The following HOMER2 variants were observed in gnomAD, a reference collection of about 807,000 sequenced individuals.
HOMER2 encodes the protein homer protein homolog 2.
A neutral mutation model predicts 47.0 loss-of-function variants in HOMER2; 27 were observed. That is an observed-to-expected ratio of 0.57 (90% CI 0.42 to 0.79). HOMER2 has a LOEUF of 0.79. Among genes scored for constraint, HOMER2 ranks in the 30% least tolerant of loss-of-function variants. The pLI, the probability that HOMER2 is intolerant of heterozygous loss-of-function variation, is 0.00. For synonymous variants in HOMER2, 161 were observed against 163.8 expected (o/e 0.98, Z 0.13); for missense variants, 443 against 435.0 (o/e 1.02, Z -0.16).
intron 1 of HOMER2, among the ~76,000 whole-genome samples, chr15:82,907,449 G>A (rs968744277): frequency 1.4e-5 from 2 of 143,204 alleles, no homozygotes; most frequent in African/African-American, 5.5e-5. Context: ...GAAAGAAAGA[G>A]AAAGAAAGAA....
chr15:82,840,348 C>T (rs2051164005), exon 2 of HOMER2: 1 of 151,934 alleles, frequency 6.6e-6, no homozygotes, highest in South Asian at 2.1e-4. Context: ...TCTGGAAAAA[C>T]CAATGAGAAC....
At chr15:82,936,839 C>T (rs2054153115) in intron 1 of HOMER2, among the ~76,000 whole-genome samples, 2 of 152,058 alleles carry the variant, frequency 1.3e-5, no homozygotes, top group Admixed American at 1.3e-4. Flanking sequence ...AGGTGTGAGC[C>T]ACCATGCCTG....
At chr15:82,894,184 C>A (rs937879978) in intron 1 of HOMER2, among the ~76,000 whole-genome samples, 2 of 152,134 alleles carry the variant, frequency 1.3e-5, no homozygotes, top group Non-Finnish European at 2.9e-5. Flanking sequence ...ATGTTTCTTT[C>A]TGTTGAGTGG....
intron 1 of HOMER2, among the ~76,000 whole-genome samples, chr15:82,936,271 G>A (rs965296313): frequency 1.3e-5 from 2 of 152,100 alleles, no homozygotes; most frequent in Admixed American, 6.6e-5. Flanking sequence ...TTCTAAAGTC[G>A]GTCTCAGCCC....
chr15:82,898,771 CAAGA>C (rs1456533721), intron 1 of HOMER2, among the ~76,000 whole-genome samples: 1 of 152,196 alleles, frequency 6.6e-6, no homozygotes, highest in Non-Finnish European at 1.5e-5. Context: ...TGCAAAGAAA[CAAGA>C]GAGAGAGAAA....
At chr15:82,868,469 A>G (rs1281777603) in intron 3 of HOMER2, among the ~76,000 whole-genome samples, 1 of 143,562 alleles carries the variant, frequency 7.0e-6, no homozygotes, top group Non-Finnish European at 1.5e-5. Flanking sequence ...ATCTGGAAAA[A>G]TATATATTTT....
chr15:82,865,379 ACCCT>A (rs919470497), intron 3 of HOMER2, among the ~76,000 whole-genome samples: 10 of 152,112 alleles, frequency 6.6e-5, no homozygotes, highest in African/African-American at 1.7e-4. Flanking sequence ...TCCTCTCTGC[ACCCT>A]CCTCCCACAC....
At chr15:82,961,208 A>G (rs1170611654) in intron 1 of HOMER2, among the ~76,000 whole-genome samples, 1 of 152,164 alleles carries the variant, frequency 6.6e-6, no homozygotes. Context: ...ATACACTTCT[A>G]CTCACACAAA....
chr15:82,864,875 T>G (rs1050820059), intron 3 of HOMER2, among the ~76,000 whole-genome samples: 13 of 152,248 alleles, frequency 8.5e-5, no homozygotes, highest in African/African-American at 2.7e-4. Flanking sequence ...CAATTTTAAT[T>G]AGCAAATTCA....
chr15:82,856,318 A>C (rs924890585), intron 5 of HOMER2, among the ~76,000 whole-genome samples: 1 of 152,164 alleles, frequency 6.6e-6, no homozygotes, highest in Non-Finnish European at 1.5e-5. Context: ...TTAAACAACC[A>C]AAAACAGCTC....
At chr15:82,899,949 G>C (rs2053056963) in intron 1 of HOMER2, among the ~76,000 whole-genome samples, 1 of 152,138 alleles carries the variant, frequency 6.6e-6, no homozygotes, top group Non-Finnish European at 1.5e-5. Flanking sequence ...TTGAACCAGG[G>C]AGGCGGCGGT....
intron 2 of HOMER2, among the ~76,000 whole-genome samples, chr15:82,878,396 G>A (rs1023094921): frequency 6.6e-6 from 1 of 152,152 alleles, no homozygotes; most frequent in Non-Finnish European, 1.5e-5. Context: ...CCTGTTCAAG[G>A]TCATAAAACT....
At chr15:82,839,935 T>C (rs578073610) in exon 2 of HOMER2, 2 of 152,262 alleles carry the variant, frequency 1.3e-5, no homozygotes, top group African/African-American at 4.8e-5. Context: ...GTACAGGCCA[T>C]ACTCTCTTTG....
At chr15:82,955,093 A>T (rs1457310072), upstream of HOMER2, among the ~76,000 whole-genome samples, 1 of 149,778 alleles carries the variant, frequency 6.7e-6, no homozygotes, top group African/African-American at 2.5e-5. Flanking sequence ...TTCTATTTTT[A>T]AAAGCAGTAC....
intron 1 of HOMER2, among the ~76,000 whole-genome samples, chr15:82,973,530 A>T (rs970593532): frequency 1.1e-4 from 16 of 152,216 alleles, no homozygotes; most frequent in African/African-American, 3.6e-4. Context: ...TCATATTTTA[A>T]CATGGTTGTT....
chr15:82,940,895 CAA>C (rs761832520), intron 1 of HOMER2, among the ~76,000 whole-genome samples: 1 of 141,424 alleles, frequency 7.1e-6, no homozygotes. Context: ...GACCCTGTTC[CAA>C]AAAAAAAAAA....
intron 2 of HOMER2, among the ~76,000 whole-genome samples, chr15:82,879,836 A>G (rs1307689974): frequency 6.6e-6 from 1 of 152,250 alleles, no homozygotes; most frequent in Non-Finnish European, 1.5e-5. Context: ...TTTTACCTAC[A>G]GTAGAACTTG....
chr15:82,910,980 C>T (rs1173148143), intron 1 of HOMER2, among the ~76,000 whole-genome samples: 1 of 152,140 alleles, frequency 6.6e-6, no homozygotes, highest in Non-Finnish European at 1.5e-5. Flanking sequence ...GAGGTAGGGA[C>T]ATTAATATAA....
At chr15:82,932,671 C>T (rs1428406004) in intron 1 of HOMER2, among the ~76,000 whole-genome samples, 1 of 152,092 alleles carries the variant, frequency 6.6e-6, no homozygotes, top group African/African-American at 2.4e-5. Context: ...GCCTCCTGAG[C>T]CACACCCCTG....
Sources: allele counts gnomAD v4.1 joint callset (sites outside exome capture counted in the v4.1 genomes callset), GRCh38; gene constraint gnomAD v4.1.1; transcripts MANE v1.5; gene names NCBI Gene and HGNC (gene_info 2026-07-23, HGNC 2026-07-21).